Variants in TMEM163 observed in about 807,000 individuals in gnomAD.
TMEM163 encodes transmembrane protein 163.
In TMEM163, 17 loss-of-function variants were observed where a neutral mutation model predicts 29.3. The ratio of observed to expected loss-of-function variants is 0.58; its 90% CI spans 0.40 to 0.87. TMEM163 has a LOEUF of 0.87. Among genes scored for constraint, TMEM163 ranks in the 40% least tolerant of loss-of-function variants. TMEM163 has a pLI of 0.00. For missense variants in TMEM163, 303 were observed against 381.5 expected (o/e 0.79, Z 1.71); for synonymous variants, 157 against 160.6 (o/e 0.98, Z 0.17).
intron 5 of TMEM163, among the ~76,000 whole-genome samples, chr2:134,490,951 TC>T (rs1214892579): frequency 6.6e-6 from 1 of 152,184 alleles, no homozygotes; most frequent in African/African-American, 2.4e-5. Context: ...ATCATGTTGT[TC>T]ATATTATACT....
At chr2:134,693,630 A>C (rs1329111211) in intron 2 of TMEM163, among the ~76,000 whole-genome samples, 1 of 144,752 alleles carries the variant, frequency 6.9e-6, no homozygotes, top group East Asian at 2.0e-4. Context: ...AAAAAAAAAA[A>C]CCTGAAACTG....
chr2:134,645,702 A>C lies in TMEM163; in HGVS notation c.322+67498T>G, dbSNP rs141052539. ...ATCTCAAAGGCATTAAGCTGAGTTAAAGAAGACAATCTCAAAAGGTTATAT... is the reference window on the plus strand; with the variant it reads ...ATCTCAAAGGCATTAAGCTGAGTTACAGAAGACAATCTCAAAAGGTTATAT... On this transcript the variant is annotated intron_variant, in intron 2 of 7. Transcript: ENST00000281924. Among the ~76,000 whole-genome samples the C allele has an allele frequency of 4.6e-3, 707 of 152,362 alleles. 5 individuals are homozygous for C. The highest frequency in any genetic ancestry group is 0.014 in the African/African-American group (601 of 41,584).
intron 2 of TMEM163, among the ~76,000 whole-genome samples, chr2:134,585,313 T>C (rs1279788524): frequency 1.3e-5 from 2 of 152,224 alleles, no homozygotes; most frequent in African/African-American, 4.8e-5. Flanking sequence ...CCTCACACTC[T>C]GGACCTAATA....
intron 2 of TMEM163, among the ~76,000 whole-genome samples, chr2:134,584,479 A>G (rs991520704): frequency 3.3e-5 from 5 of 152,174 alleles, no homozygotes; most frequent in Non-Finnish European, 1.5e-5. Context: ...TGCCTGCTCT[A>G]TGGTCACCCA....
intron 2 of TMEM163, among the ~76,000 whole-genome samples, chr2:134,697,819 T>C (rs1300824321): frequency 6.6e-6 from 1 of 152,164 alleles, no homozygotes; most frequent in Non-Finnish European, 1.5e-5. Flanking sequence ...ACAATGAGAT[T>C]TAGTTTGCAA....
At chr2:134,552,117 G>A in intron 2 of TMEM163, 26 bp from the exon 3 acceptor site, 1 of 1,585,422 alleles carries the variant, frequency 6.3e-7, no homozygotes, top group Non-Finnish European at 8.6e-7. Flanking sequence ...ATATTATTCA[G>A]AATATTTTAA....
intron 2 of TMEM163, among the ~76,000 whole-genome samples, chr2:134,621,252 G>A (rs184082698): frequency 6.6e-6 from 1 of 152,108 alleles, no homozygotes; most frequent in Non-Finnish European, 1.5e-5. Context: ...AGTCATTAGG[G>A]CAATACAAAT....
chr2:134,622,434 A>G (rs1682759765), intron 2 of TMEM163, among the ~76,000 whole-genome samples: 1 of 152,220 alleles, frequency 6.6e-6, no homozygotes, highest in Non-Finnish European at 1.5e-5. Flanking sequence ...ATTTTTGTTA[A>G]GTTCCAGCAA....
intron 2 of TMEM163, among the ~76,000 whole-genome samples, chr2:134,691,577 C>T (rs1248247678): frequency 6.6e-6 from 1 of 152,238 alleles, no homozygotes; most frequent in African/African-American, 2.4e-5. Flanking sequence ...GACATGCACA[C>T]ATGCGCACGT....
At chr2:134,506,973 T>C (rs1417347927) in intron 4 of TMEM163, among the ~76,000 whole-genome samples, 4 of 152,156 alleles carry the variant, frequency 2.6e-5, no homozygotes, top group Non-Finnish European at 2.9e-5. Context: ...GAGAACTTCA[T>C]GGATCAGAAA....
intron 2 of TMEM163, among the ~76,000 whole-genome samples, chr2:134,683,092 A>G (rs1684281728): frequency 6.6e-6 from 1 of 152,246 alleles, no homozygotes; most frequent in South Asian, 2.1e-4. Flanking sequence ...GGTTACCTAA[A>G]GGGAGGAGAA....
At chr2:134,535,880 G>A (rs1045537596) in intron 4 of TMEM163, among the ~76,000 whole-genome samples, 6 of 151,932 alleles carry the variant, frequency 3.9e-5, no homozygotes, top group African/African-American at 1.5e-4. Flanking sequence ...GCACCACGAC[G>A]CCTGGCTTAT....
chr2:134,522,843 G>T (rs1680215468), intron 4 of TMEM163, among the ~76,000 whole-genome samples: 1 of 152,180 alleles, frequency 6.6e-6, no homozygotes, highest in Non-Finnish European at 1.5e-5. Context: ...GTCACATGCT[G>T]ATTTTAAACA....
chr2:134,532,982 T>C (rs1032792504), intron 4 of TMEM163, among the ~76,000 whole-genome samples: 3 of 152,310 alleles, frequency 2.0e-5, no homozygotes, highest in African/African-American at 7.2e-5. Context: ...TCATTCAGAA[T>C]ATGTGTTGGG....
intron 6 of TMEM163, among the ~76,000 whole-genome samples, chr2:134,462,299 T>A (rs1686561537): frequency 6.6e-6 from 1 of 151,952 alleles, no homozygotes; most frequent in African/African-American, 2.4e-5. Flanking sequence ...CTCCCTCTGC[T>A]CAGCTCCCAG....
intron 4 of TMEM163, among the ~76,000 whole-genome samples, chr2:134,546,616 C>T (rs1378200089): frequency 6.6e-6 from 1 of 150,808 alleles, no homozygotes; most frequent in African/African-American, 2.5e-5. Flanking sequence ...TGCACTCCAG[C>T]CTGGGTGACA....
intron 2 of TMEM163, among the ~76,000 whole-genome samples, chr2:134,576,191 G>A (rs1335745940): frequency 6.6e-6 from 1 of 152,142 alleles, no homozygotes; most frequent in Non-Finnish European, 1.5e-5. Context: ...TTGAGGGGAC[G>A]TGAGGATTCT....
chr2:134,562,018 G>A (rs1265072865), intron 2 of TMEM163, among the ~76,000 whole-genome samples: 1 of 152,110 alleles, frequency 6.6e-6, no homozygotes, highest in Non-Finnish European at 1.5e-5. Context: ...ACAGAGATGG[G>A]GATAAAATTT....
intron 7 of TMEM163, 143 bp downstream of exon 7, chr2:134,457,889 T>C: frequency 7.4e-7 from 1 of 1,346,426 alleles, no homozygotes; most frequent in Non-Finnish European, 1.0e-6. Flanking sequence ...GCTTTTCCAG[T>C]CACCTGACAC....
Sources: gnomAD v4.1 joint callset for allele counts (sites outside exome capture counted in the v4.1 genomes callset) on GRCh38, gnomAD v4.1.1 for gene constraint, MANE v1.5 for transcripts, NCBI Gene and HGNC (gene_info 2026-07-23, HGNC 2026-07-21) for gene names.